The following TMED1 variants were observed in gnomAD, a reference collection of about 807,000 sequenced individuals.
TMED1 encodes transmembrane p24 trafficking protein 1, also known as transmembrane emp24 domain-containing protein 1.
In TMED1, 20 loss-of-function variants were observed where a neutral mutation model predicts 21.2. The observed-to-expected ratio is 0.95, with a 90% CI of 0.67 to 1.37. TMED1 has a LOEUF of 1.37. TMED1 is among the 40% of genes most tolerant of loss of function. The pLI, the probability that TMED1 is intolerant of heterozygous loss-of-function variation, is 0.00. For synonymous variants in TMED1, 149 were observed against 134.7 expected, an observed-to-expected ratio of 1.11 and a Z score of -0.74; for missense variants, 316 against 309.8, an observed-to-expected ratio of 1.02 and a Z score of -0.15.
At chr19:10,835,608 C>T in intron 1 of TMED1, 6 of 1,415,846 alleles carry the variant, frequency 4.2e-6, no homozygotes, top group Non-Finnish European at 5.5e-6. Context: ...TTTACCTGAC[C>T]ACGCCCCTGG....
chr19:10,835,950 C>G, intron 1 of TMED1, 59 bp downstream of exon 1: 1 of 1,502,804 alleles, frequency 6.7e-7, no homozygotes, highest in Non-Finnish European at 8.9e-7. Context: ...CTCGCCTCGA[C>G]CGCTTGGCCA....
chr19:10,833,855 C>T (rs1207932542), intron 3 of TMED1, among the ~76,000 whole-genome samples: 2 of 152,122 alleles, frequency 1.3e-5, no homozygotes, highest in Non-Finnish European at 2.9e-5. Context: ...ATGATCACAC[C>T]ACTGCACTCC....
Position 10,832,531 on chromosome 19 carries a change from C to T in TMED1, c.*464G>A, listed in dbSNP as rs544528698. On this transcript the variant is annotated 3_prime_UTR_variant, in exon 4 of 4. Coordinates refer to ENST00000214869, the MANE Select transcript of TMED1 (RefSeq NM_006858.4). ...TGCCTAGACTTTGGCCGGGCCATCC[C>T]TCATGCCTGTGTGGGGCCCCTGCAG... The T allele has an allele frequency of 1.1e-5, 6 of 537,358 alleles. No homozygotes were observed. Among genetic ancestry groups the T allele is most frequent in the African/African-American group, 9.8e-5 (5 of 51,198 alleles). The allele number at this position is 537,358 out of a possible 1,614,324, so 33.3% of individuals were successfully genotyped here. A position where few individuals can be genotyped will look rare whatever the true frequency, so the allele number is the denominator to read the frequency against.
At chr19:10,835,180 CAG>C (rs1311397837) in intron 2 of TMED1, 63 bp from the exon 3 acceptor site, 12 of 1,611,312 alleles carry the variant, frequency 7.4e-6, no homozygotes, top group Non-Finnish European at 9.3e-6. Context: ...GCGGGGCAGT[CAG>C]GGCGGTAACC....
At position 10,832,670 on chromosome 19, in the gene TMED1, C is replaced by T. The variant is rs2073372244; in HGVS notation, c.*325G>A. The T allele has an allele frequency of 1.7e-6, 1 of 581,258 alleles. No homozygotes were observed. The highest frequency in any genetic ancestry group is 3.1e-5 in the Admixed American group (1 of 32,682). 36.0% of individuals were successfully genotyped at this position (581,258 alleles called of 1,614,324 possible). ...TTGTTAGGCCCTGCCCCGCACCAGGCAACGCTAACACAGGATGGGAGGCTT... is the reference window on the plus strand; with the variant it reads ...TTGTTAGGCCCTGCCCCGCACCAGGTAACGCTAACACAGGATGGGAGGCTT... On this transcript the variant is annotated 3_prime_UTR_variant, in exon 4 of 4. Coordinates refer to ENST00000214869, the MANE Select transcript of TMED1 (RefSeq NM_006858.4).
intron 3 of TMED1, 112 bp downstream of exon 3, chr19:10,834,822 A>T: frequency 8.0e-7 from 1 of 1,243,248 alleles, no homozygotes; most frequent in Non-Finnish European, 1.1e-6. Flanking sequence ...CTCTTACTAT[A>T]ATTCAGTTGG....
chr19:10,832,269 T>C lies in TMED1; in HGVS notation c.*726A>G. ...GCCTCGTGGCCCAACTGGGGCTCAG[T>C]TAAACTTTGCTTTCTGATTTTTCTC... On this transcript the variant is annotated 3_prime_UTR_variant, in exon 4 of 4. Coordinates refer to ENST00000214869, the MANE Select transcript of TMED1 (RefSeq NM_006858.4). 5 of 1,289,500 alleles carry C rather than the reference T, an allele frequency of 3.9e-6. No individual in the cohort carries two copies. The highest frequency in any genetic ancestry group is 1.5e-5 in the African/African-American group (1 of 65,948). The allele number at this position is 1,289,500 out of a possible 1,614,324, so 79.9% of individuals were successfully genotyped here.
At position 10,835,116 on chromosome 19, in the gene TMED1, C is replaced by A. The variant is rs1294079269; in HGVS notation, c.283G>T (p.Val95Leu). ...ESRKADGVHT[V>L]EPTEAGDYKL... ...TAGTCCCCGGCCTCCGTTGGCTCCA[C>A]CCTGGGCAGACAGACACACAGACAT... The change falls in exon 3 of 4, where the codon GTG becomes TTG. Residue 95 changes from valine (V) to leucine (L), a missense_variant and splice_region_variant. Physicochemically the swap from Val to Leu is conservative, Grantham distance 32. Coordinates refer to ENST00000214869, the MANE Select transcript of TMED1 (RefSeq NM_006858.4). The A allele has an allele frequency of 6.2e-7, 1 of 1,613,270 alleles. No homozygotes were observed. The highest frequency in any genetic ancestry group is 8.5e-7 in the Non-Finnish European group (1 of 1,179,416).
Position 10,834,943 on chromosome 19 carries a change from C to G in TMED1, c.456G>C (p.Glu152Asp). ...EPEEMLDVKM[E>D]DIKESIETMR... Reference sequence around the variant, plus strand: ...CGCAGCCTGGACACACCTTGATGTCCTCCATTTTAACATCCAGCATCTCCT... The same window carrying G: ...CGCAGCCTGGACACACCTTGATGTCGTCCATTTTAACATCCAGCATCTCCT... The change falls in exon 3 of 4, where the codon GAG becomes GAC. Residue 152 changes from glutamate to aspartate, a missense_variant. Glu to Asp is a conservative substitution (Grantham distance 45, BLOSUM62 2). Coordinates refer to ENST00000214869, the MANE Select transcript of TMED1 (RefSeq NM_006858.4). The G allele has an allele frequency of 6.2e-7, 1 of 1,613,796 alleles. No individual in the cohort carries two copies.
Position 10,832,764 on chromosome 19 carries a change from ACCATGTGAGATTT to A in TMED1, c.*218_*230del, listed in dbSNP as rs1187249540. On this transcript the variant is annotated 3_prime_UTR_variant, in exon 4 of 4. Transcript: ENST00000214869. The stretch of plus-strand genomic sequence containing the variant: ...CTCACGTTCCAACGCTGCAGTGCCC[ACCATGTGAGATTT>A]CCAGGACCGTCGGTGCAGCCACTGA... The A allele has an allele frequency of 1.7e-6, 1 of 605,626 alleles. No individual in the cohort carries two copies. Among genetic ancestry groups the A allele is most frequent in the African/African-American group, 1.8e-5 (1 of 54,060 alleles). 37.5% of individuals were successfully genotyped at this position (605,626 alleles called of 1,614,324 possible). A position where few individuals can be genotyped will look rare whatever the true frequency, so the allele number is the denominator to read the frequency against.
chr19:10,836,166 GC>G lies in TMED1; in HGVS notation c.25del (p.Ala9ProfsTer7). MMAAGAAL[A>X]LALWLLMPPV... ...TGGCATTAGTAGCCACAAGGCCAGGGCTAGGGCCGCGCCGGCCGCCATCATC... is the reference window on the plus strand; with the variant it reads ...TGGCATTAGTAGCCACAAGGCCAGGGTAGGGCCGCGCCGGCCGCCATCATC... On this transcript the variant is annotated frameshift_variant, in exon 1 of 4. Coordinates refer to ENST00000214869, the MANE Select transcript of TMED1 (RefSeq NM_006858.4). LOFTEE classifies it high-confidence loss of function. The G allele has an allele frequency of 5.8e-6, 9 of 1,557,228 alleles. No homozygotes were observed. The highest frequency in any genetic ancestry group is 7.8e-6 in the Non-Finnish European group (9 of 1,154,078).
Position 10,832,971 on chromosome 19 carries a change from C to G in TMED1, c.*24G>C, listed in dbSNP as rs1307651140. ...CACACCCTGCTGCCCCTCCTTTGTC[C>G]CGTTCTTCCTTCCATGGCAGGGGCT... On this transcript the variant is annotated 3_prime_UTR_variant, in exon 4 of 4. Transcript: ENST00000214869. 1.2e-6 allele frequency: 2 copies of G among 1,607,142 alleles called. No individual in the cohort carries two copies. The highest frequency in any genetic ancestry group is 1.7e-6 in the Non-Finnish European group (2 of 1,179,088).
At chr19:10,835,224 T>C (rs755697006) in intron 2 of TMED1, 32 bp downstream of exon 2, 2 of 1,613,868 alleles carry the variant, frequency 1.2e-6, no homozygotes, top group Admixed American at 3.3e-5. Flanking sequence ...GGGCTGTAAC[T>C]GAACCCAGGC....
chr19:10,835,071 A>T lies in TMED1; in HGVS notation c.328T>A (p.Ser110Thr), dbSNP rs765477758. ...AGCTTCTCGGAGATGGTGCTGAAGG[A>T]GTTGTCAAAGCACAGCTTGTAGTCC... ...AGDYKLCFDN[S>T]FSTISEKLVF... The change falls in exon 3 of 4, where the codon TCC (serine) becomes ACC (threonine). Residue 110 changes from serine to threonine, a missense_variant. By Grantham distance (58) the Ser-to-Thr change is moderately conservative (BLOSUM62 1). Coordinates refer to ENST00000214869, the MANE Select transcript of TMED1 (RefSeq NM_006858.4). 28 of 1,614,088 alleles carry T rather than the reference A, an allele frequency of 1.7e-5. No individual in the cohort carries two copies. The highest frequency in any genetic ancestry group is 2.2e-5 in the East Asian group (1 of 44,890).
At chr19:10,835,902 C>A (rs537500336) in intron 1 of TMED1, 107 bp downstream of exon 1, 2 of 1,448,330 alleles carry the variant, frequency 1.4e-6, no homozygotes, top group Admixed American at 5.1e-5. Flanking sequence ...CCCCGCGCTC[C>A]CAAGCACGGA....
chr19:10,833,497 C>A, intron 3 of TMED1: 1 of 479,350 alleles, frequency 2.1e-6, no homozygotes, highest in Middle Eastern at 5.9e-4. Flanking sequence ...CATGGTGGCT[C>A]ATGCCTATAA....
chr19:10,835,943 G>A, intron 1 of TMED1, 66 bp downstream of exon 1: 2 of 1,488,872 alleles, frequency 1.3e-6, no homozygotes, highest in Non-Finnish European at 1.8e-6. Flanking sequence ...AGCGCGCCTC[G>A]CCTCGACCGC....
At position 10,832,217 on chromosome 19, in the gene TMED1, C is replaced by A; in HGVS notation, c.*778G>T. On this transcript the variant is annotated 3_prime_UTR_variant, in exon 4 of 4. Transcript: ENST00000214869. ...ACCCCCTTCCTACCCTCAGGCCCTGCTTCTCTCACCTCGTGGGGAAGCCCA... is the reference window on the plus strand; with the variant it reads ...ACCCCCTTCCTACCCTCAGGCCCTGATTCTCTCACCTCGTGGGGAAGCCCA... The A allele has an allele frequency of 1.7e-6, 2 of 1,180,002 alleles. No homozygotes were observed. The highest frequency in any genetic ancestry group is 2.2e-6 in the Non-Finnish European group (2 of 889,016). 73.1% of individuals were successfully genotyped at this position (1,180,002 alleles called of 1,614,324 possible).
Position 10,835,255 on chromosome 19 carries a change from CG to C in TMED1, c.281del (p.Thr94ArgfsTer30). On this transcript the variant is annotated frameshift_variant and splice_region_variant, in exon 2 of 4. Coordinates refer to ENST00000214869, the MANE Select transcript of TMED1 (RefSeq NM_006858.4). LOFTEE classifies it high-confidence loss of function. ...SESRKADGVH[T>X]VEPTEAGDYK... ...CAGGCAGGCATCAAGACTGAACTCA[CG>C]TGTGTACCCCATCAGCCTTGCGGGA... The C allele has an allele frequency of 6.2e-7, 1 of 1,614,134 alleles. No individual in the cohort carries two copies. The highest frequency in any genetic ancestry group is 1.1e-5 in the South Asian group (1 of 91,086).
Sources: allele counts gnomAD v4.1 joint callset (sites outside exome capture counted in the v4.1 genomes callset), GRCh38; gene constraint gnomAD v4.1.1; transcripts MANE v1.5; gene names NCBI Gene and HGNC (gene_info 2026-07-23, HGNC 2026-07-21).